The following SYT4 variants were observed in gnomAD, a reference collection of about 807,000 sequenced individuals.
SYT4 encodes the protein synaptotagmin-4.
A neutral mutation model predicts 32.9 loss-of-function variants in SYT4; 7 were observed. The observed-to-expected ratio is 0.21, with a 90% CI of 0.12 to 0.40. The LOEUF is 0.40. SYT4 is among the 10% of genes least tolerant of loss of function. SYT4 has a pLI of 1.00. For synonymous variants in SYT4, 205 were observed against 186.2 expected (o/e 1.10, Z -0.82); for missense variants, 480 against 488.0 (o/e 0.98, Z 0.16).
chr18:43,275,907 C>A (rs1473275319), intron 1 of SYT4, among the ~76,000 whole-genome samples: 2 of 152,048 alleles, frequency 1.3e-5, no homozygotes, highest in Non-Finnish European at 2.9e-5. Flanking sequence ...AAAAATGCAC[C>A]CACATTCCTG....
At chr18:43,271,674 T>G in intron 3 of SYT4, 38 bp downstream of exon 3, 1 of 1,609,488 alleles carries the variant, frequency 6.2e-7, no homozygotes. Context: ...TACATTCCAA[T>G]CATACAGTGA....
At chr18:43,274,741 A>G (rs546168129) in intron 1 of SYT4, among the ~76,000 whole-genome samples, 1 of 152,302 alleles carries the variant, frequency 6.6e-6, no homozygotes, top group South Asian at 2.1e-4. Context: ...ATGATGGATC[A>G]GTACTAACTT....
chr18:43,272,543 A>G (rs548176879), intron 2 of SYT4, among the ~76,000 whole-genome samples: 2 of 152,206 alleles, frequency 1.3e-5, no homozygotes, highest in East Asian at 3.8e-4. Flanking sequence ...ATATACAATA[A>G]TTCAAAGTAA....
intron 1 of SYT4, among the ~76,000 whole-genome samples, chr18:43,276,486 T>C (rs1474410319): frequency 6.6e-5 from 10 of 152,214 alleles, no homozygotes; most frequent in African/African-American, 2.4e-5. Context: ...TTTTACTCTA[T>C]GAAGTACGTC....
At chr18:43,275,022 A>ACTTATAACACTATCATCCCTTTGTAT (rs1430749113) in intron 1 of SYT4, among the ~76,000 whole-genome samples, 39 of 152,314 alleles carry the variant, frequency 2.6e-4, no homozygotes, top group Non-Finnish European at 4.3e-4. Flanking sequence ...ATATTTTGTA[A>ACTTATAACACTATCATCCCTTTGTAT]CTTATAACAC....
intron 1 of SYT4, among the ~76,000 whole-genome samples, chr18:43,275,336 T>C (rs1908760302): frequency 6.6e-6 from 1 of 152,186 alleles, no homozygotes; most frequent in Non-Finnish European, 1.5e-5. Context: ...TCCTATTTTA[T>C]ATGTAAGCAT....
chr18:43,270,538 C>G lies in SYT4; in HGVS notation c.1081G>C (p.Asp361His). Residue 361 changes from aspartate to histidine, a missense_variant, in exon 4 of 4, where the codon GAT (aspartate) becomes CAT (histidine). Transcript: ENST00000255224. The part of the protein sequence containing the change: ...NAVFNELFVF[D>H]IPCEGLEDIS... ...TCTTCAAGGCCCTCACAAGGAATAT[C>G]AAAGACAAACAGCTCATTGAACACT... The G allele has an allele frequency of 1.2e-6, 2 of 1,614,088 alleles. No individual in the cohort carries two copies. The highest frequency in any genetic ancestry group is 2.2e-5 in the East Asian group (1 of 44,844).
chr18:43,271,121 T>C (rs975273545), intron 3 of SYT4, among the ~76,000 whole-genome samples: 1 of 152,206 alleles, frequency 6.6e-6, no homozygotes, highest in African/African-American at 2.4e-5. Context: ...TTTTTAGTTT[T>C]AACTTTTATG....
At position 43,274,107 on chromosome 18, in the gene SYT4, T is replaced by C. The variant is rs561614749; in HGVS notation, c.322A>G (p.Thr108Ala). 87 of 1,614,078 alleles carry C rather than the reference T, an allele frequency of 5.4e-5. No individual in the cohort carries two copies. The South Asian group carries it at 8.5e-4, about 16-fold the overall frequency. ...GAAGGACTGCCAGGTTTGAGGTTGGTTTTGGGAAAATTGCCATTGAGATCT... is the reference window on the plus strand; with the variant it reads ...GAAGGACTGCCAGGTTTGAGGTTGGCTTTGGGAAAATTGCCATTGAGATCT... ...KRDLNGNFPKTNLKPGSPSDL... is the reference protein window; with the variant it reads ...KRDLNGNFPKANLKPGSPSDL... Residue 108 changes from threonine (T) to alanine (A), a missense_variant, in exon 2 of 4, where the codon ACC becomes GCC. Transcript: ENST00000255224.
rs1003411786 is a variant in SYT4 at position 43,268,387 on chromosome 18, G to T, written c.*1954C>A. 3.6e-5 allele frequency: 5 copies of T among 138,248 alleles called. No individual in the cohort carries two copies. Among genetic ancestry groups the T allele is most frequent in the South Asian group, 2.5e-4 (1 of 4,024 alleles). 8.6% of individuals were successfully genotyped at this position (138,248 alleles called of 1,614,324 possible). On this transcript the variant is annotated 3_prime_UTR_variant, in exon 4 of 4. Coordinates refer to ENST00000255224, the MANE Select transcript of SYT4 (RefSeq NM_020783.4). Reference sequence around the variant, plus strand: ...ATCCATTTTAATTTTAAAAATGTTTGTTGTTGGTTTCATTGTTCCATGTTA... The same window carrying T: ...ATCCATTTTAATTTTAAAAATGTTTTTTGTTGGTTTCATTGTTCCATGTTA...
intron 1 of SYT4, among the ~76,000 whole-genome samples, chr18:43,275,044 T>G (rs2144369150): frequency 6.6e-6 from 1 of 152,286 alleles, no homozygotes; most frequent in African/African-American, 2.4e-5. Flanking sequence ...ATCATCCCTT[T>G]GTATGACAAT....
At chr18:43,271,915 G>A (rs920939195) in intron 2 of SYT4, 83 bp from the exon 3 acceptor site, 1 of 1,356,342 alleles carries the variant, frequency 7.4e-7, no homozygotes, top group Non-Finnish European at 1.0e-6. Context: ...AAATAACATC[G>A]TCATTTAAAT....
Position 43,268,973 on chromosome 18 carries a change from C to G in SYT4, c.*1368G>C, listed in dbSNP as rs997629200. On this transcript the variant is annotated 3_prime_UTR_variant, in exon 4 of 4. Transcript: ENST00000255224. ...TTTCTAACTTGCATATTTAATAATT[C>G]AACTGTACTCAAGTTCCACTCATAC... 6.6e-6 allele frequency: 1 copy of G among 152,414 alleles called. No homozygotes were observed. The highest frequency in any genetic ancestry group is 2.4e-5 in the African/African-American group (1 of 41,436). The allele number at this position is 152,414 out of a possible 1,614,324, so 9.4% of individuals were successfully genotyped here.
chr18:43,272,507 T>C (rs952381424), intron 2 of SYT4, among the ~76,000 whole-genome samples: 38 of 152,186 alleles, frequency 2.5e-4, no homozygotes, highest in African/African-American at 8.9e-4. Flanking sequence ...TTAGATTTCA[T>C]TTGTACTTTA....
Position 43,273,888 on chromosome 18 carries a change from G to C in SYT4, c.541C>G (p.Pro181Ala). The change falls in exon 2 of 4, where the codon CCA becomes GCA. Residue 181 changes from proline (P) to alanine (A), a missense_variant. Transcript: ENST00000255224. Reference protein sequence around the residue: ...VVNIKEARGLPAMDEQSMTSD... With the variant: ...VVNIKEARGLAAMDEQSMTSD... ...GTCATCGACTGCTCATCCATGGCTG[G>C]CAAGCCACGGGCTTCCTTGATATTG... is the stretch of plus-strand genomic sequence containing the variant. 6.2e-7 allele frequency: 1 copy of C among 1,613,962 alleles called. No homozygotes were observed.
In SYT4 at chr18:43,270,182, T is replaced by A; in HGVS notation, c.*159A>T. The A allele has an allele frequency of 1.4e-6, 1 of 736,074 alleles. No individual in the cohort carries two copies. The highest frequency in any genetic ancestry group is 2.3e-6 in the Non-Finnish European group (1 of 440,516). The allele number at this position is 736,074 out of a possible 1,614,324, so 45.6% of individuals were successfully genotyped here. On this transcript the variant is annotated 3_prime_UTR_variant, in exon 4 of 4. Coordinates refer to ENST00000255224, the MANE Select transcript of SYT4 (RefSeq NM_020783.4). ...TAGGGAAATTATCATAATACACATT[T>A]GAAGTTACTTTCTGGTCTACTAATT... is the stretch of plus-strand genomic sequence containing the variant.
chr18:43,275,630 C>A (rs146149307), intron 1 of SYT4, among the ~76,000 whole-genome samples: 75 of 152,116 alleles, frequency 4.9e-4, no homozygotes, highest in African/African-American at 1.8e-3. Flanking sequence ...TGCCAATCTA[C>A]TTCACAATTA....
At position 43,269,977 on chromosome 18, in the gene SYT4, T is replaced by G. The variant is rs532789256; in HGVS notation, c.*364A>C. 1 of 186,930 alleles carries G rather than the reference T, an allele frequency of 5.3e-6. No individual in the cohort carries two copies. Among genetic ancestry groups the G allele is most frequent in the Admixed American group, 5.5e-5 (1 of 18,192 alleles). 11.6% of individuals were successfully genotyped at this position (186,930 alleles called of 1,614,324 possible). ...ATTTTCACAAGGCAAGGCATACTTT[T>G]CGTTTTTAAATCTTAATCACATTAA... On this transcript the variant is annotated 3_prime_UTR_variant, in exon 4 of 4. Transcript: ENST00000255224.
intron 2 of SYT4, among the ~76,000 whole-genome samples, chr18:43,272,362 G>A (rs1335093400): frequency 6.6e-6 from 1 of 152,114 alleles, no homozygotes; most frequent in African/African-American, 2.4e-5. Flanking sequence ...TCCTGGCCCA[G>A]AGGGATAATG....
Sources: allele counts gnomAD v4.1 joint callset (sites outside exome capture counted in the v4.1 genomes callset), GRCh38; gene constraint gnomAD v4.1.1; transcripts MANE v1.5; gene names NCBI Gene and HGNC (gene_info 2026-07-23, HGNC 2026-07-21).